Variants in KCNQ3 observed in about 807,000 individuals in gnomAD.
KCNQ3 encodes potassium voltage-gated channel subfamily Q member 3.
KCNQ3 carries 30 observed loss-of-function variants against 92.5 expected under a neutral mutation model. The ratio of observed to expected loss-of-function variants is 0.32; its 90% confidence interval spans 0.24 to 0.44. KCNQ3 has a LOEUF of 0.44. KCNQ3 is among the 20% of genes least tolerant of loss of function. The pLI, the probability that KCNQ3 is intolerant of heterozygous loss-of-function variation, is 1.00. For missense variants in KCNQ3, 913 were observed against 1,140.3 expected (o/e 0.80, Z 2.87); for synonymous variants, 450 against 468.8 (o/e 0.96, Z 0.52).
intron 9 of KCNQ3, among the ~76,000 whole-genome samples, chr8:132,155,712 A>T (rs1563776804): frequency 6.6e-6 from 1 of 152,194 alleles, no homozygotes; most frequent in Admixed American, 6.5e-5. Flanking sequence ...GGAAACTTAT[A>T]GCACAAAGGA....
intron 1 of KCNQ3, chr8:132,447,128 T>A: frequency 2.3e-6 from 3 of 1,324,346 alleles, no homozygotes; most frequent in Non-Finnish European, 3.1e-6. Context: ...TCTTTCCCTC[T>A]CCCCCTGGGA....
chr8:132,189,366 G>T (rs1827087237), intron 1 of KCNQ3, among the ~76,000 whole-genome samples: 1 of 152,178 alleles, frequency 6.6e-6, no homozygotes, highest in Non-Finnish European at 1.5e-5. Context: ...TCTTGTAATT[G>T]TTTGCGCACA....
intron 1 of KCNQ3, among the ~76,000 whole-genome samples, chr8:132,222,457 T>A (rs1814269534): frequency 6.6e-6 from 1 of 152,204 alleles, no homozygotes; most frequent in South Asian, 2.1e-4. Context: ...TGGCATATAA[T>A]TCCTTGCTAA....
chr8:132,249,313 C>T lies in KCNQ3; in HGVS notation c.387-63132G>A, dbSNP rs1357365967. 2.0e-5 allele frequency among the ~76,000 whole-genome samples: 3 copies of T among 152,264 alleles called. No individual in the cohort carries two copies. The East Asian group carries it at 5.8e-4, about 29-fold the overall frequency. On this transcript the variant is annotated intron_variant, in intron 1 of 14. Coordinates refer to ENST00000388996, the MANE Select transcript of KCNQ3 (RefSeq NM_004519.4). The stretch of plus-strand genomic sequence containing the variant: ...TCCATTTTACAGAGAGCTGATTGGT[C>T]TGTTTTACAGAGAGCTGATTGGTTC...
At chr8:132,425,959 G>A (rs1455533512) in intron 1 of KCNQ3, among the ~76,000 whole-genome samples, 2 of 152,212 alleles carry the variant, frequency 1.3e-5, no homozygotes, top group Non-Finnish European at 2.9e-5. Flanking sequence ...AGTACAAAGG[G>A]AAATTTTGAA....
In KCNQ3 at chr8:132,128,507, A is replaced by ATATGTGTGTG. The variant is rs886062685; in HGVS notation, c.*754_*755insCACACACATA. On this transcript the variant is annotated 3_prime_UTR_variant, in exon 15 of 15. Transcript: ENST00000388996. Reference sequence around the variant, plus strand: ...ATTGGAAACTATTTTAACTTTGTGTATGTGTGTGTGTGTGTGTGTGTGTGT... The same window carrying ATATGTGTGTG: ...ATTGGAAACTATTTTAACTTTGTGTATATGTGTGTGTGTGTGTGTGTGTGTGTGTGTGTGT... The ATATGTGTGTG allele has an allele frequency of 3.4e-5, 5 of 145,188 alleles. No individual in the cohort carries two copies. The highest frequency in any genetic ancestry group is 6.0e-5 in the Non-Finnish European group (4 of 66,338). 9.0% of individuals were successfully genotyped at this position (145,188 alleles called of 1,614,324 possible). A position where few individuals can be genotyped will look rare whatever the true frequency, so the allele number is the denominator to read the frequency against.
chr8:132,207,040 T>C (rs1280811743), intron 1 of KCNQ3, among the ~76,000 whole-genome samples: 2 of 152,244 alleles, frequency 1.3e-5, no homozygotes, highest in African/African-American at 4.8e-5. Flanking sequence ...CTCTAAAATA[T>C]GTATAGCCAT....
intron 1 of KCNQ3, among the ~76,000 whole-genome samples, chr8:132,412,346 G>T (rs550852903): frequency 6.6e-6 from 1 of 151,620 alleles, no homozygotes; most frequent in African/African-American, 2.4e-5. Context: ...TCCCCTTCTG[G>T]GTGATTCTGA....
chr8:132,449,587 G>A (rs1052241923), intron 1 of KCNQ3, among the ~76,000 whole-genome samples: 1 of 152,088 alleles, frequency 6.6e-6, no homozygotes, highest in African/African-American at 2.4e-5. Context: ...TATTCCCTCT[G>A]GAGCCCTCAG....
intron 1 of KCNQ3, among the ~76,000 whole-genome samples, chr8:132,336,387 A>G (rs1280273555): frequency 6.6e-6 from 1 of 152,168 alleles, no homozygotes; most frequent in Non-Finnish European, 1.5e-5. Context: ...CACAAGGCCC[A>G]CTGTAGTGAC....
intron 1 of KCNQ3, among the ~76,000 whole-genome samples, chr8:132,444,301 T>A (rs1821617312): frequency 6.6e-6 from 1 of 152,236 alleles, no homozygotes; most frequent in East Asian, 1.9e-4. Context: ...ACCAACTGGT[T>A]CCTGGCATTA....
intron 1 of KCNQ3, among the ~76,000 whole-genome samples, chr8:132,402,202 C>T (rs1205663963): frequency 6.6e-6 from 1 of 152,172 alleles, no homozygotes; most frequent in Non-Finnish European, 1.5e-5. Flanking sequence ...CCATCTTGCT[C>T]TTATTTCTAT....
intron 9 of KCNQ3, among the ~76,000 whole-genome samples, chr8:132,152,670 G>A (rs1470073711): frequency 2.6e-5 from 4 of 152,176 alleles, no homozygotes; most frequent in Admixed American, 1.3e-4. Context: ...CACAGTCCCT[G>A]TACAGGGTTC....
rs577543960 is a variant in KCNQ3, at chr8:132,141,236, A to C, written c.1358T>G (p.Ile453Arg). Residue 453 changes from isoleucine (I) to arginine (R), a missense_variant, in exon 10 of 15, where the codon ATA (isoleucine) becomes AGA (arginine). By Grantham distance (97) the Ile-to-Arg change is moderately conservative (BLOSUM62 -3). Transcript: ENST00000388996. The stretch of plus-strand genomic sequence containing the variant: ...TGGTTCTTTAGAAGGACTTTCTTCT[A>C]TGGCATCTACATTCAGAGGGGTAAA... ...KLFTPLNVDA[I>R]EESPSKEPKP... 1.2e-6 allele frequency: 2 copies of C among 1,614,072 alleles called. No individual in the cohort carries two copies. The highest frequency in any genetic ancestry group is 4.5e-5 in the East Asian group (2 of 44,886).
At chr8:132,441,145 AC>A (rs1821525223) in intron 1 of KCNQ3, among the ~76,000 whole-genome samples, 1 of 152,100 alleles carries the variant, frequency 6.6e-6, no homozygotes, top group Non-Finnish European at 1.5e-5. Flanking sequence ...ACTCTTTCCC[AC>A]CCCCAACACT....
chr8:132,202,194 C>T (rs1189825403), intron 1 of KCNQ3, among the ~76,000 whole-genome samples: 2 of 151,970 alleles, frequency 1.3e-5, no homozygotes, highest in African/African-American at 4.8e-5. Flanking sequence ...CTGGAAGCCT[C>T]TCTGGAAAAG....
At chr8:132,371,698 C>T (rs898619960) in intron 1 of KCNQ3, among the ~76,000 whole-genome samples, 5 of 152,222 alleles carry the variant, frequency 3.3e-5, no homozygotes, top group African/African-American at 1.2e-4. Flanking sequence ...CAAAAACCAA[C>T]ACCACTCTCC....
At chr8:132,192,959 C>T (rs1827203451) in intron 1 of KCNQ3, among the ~76,000 whole-genome samples, 1 of 152,114 alleles carries the variant, frequency 6.6e-6, no homozygotes, top group South Asian at 2.1e-4. Flanking sequence ...TCTCTATAGT[C>T]TTGACTGTTT....
chr8:132,310,934 G>C (rs562622146), intron 1 of KCNQ3, among the ~76,000 whole-genome samples: 1 of 151,346 alleles, frequency 6.6e-6, no homozygotes, highest in Non-Finnish European at 1.5e-5. Context: ...GTCACCTTAC[G>C]ACTTTTTTTT....
Sources: allele counts gnomAD v4.1 joint callset (sites outside exome capture counted in the v4.1 genomes callset), GRCh38; gene constraint gnomAD v4.1.1; transcripts MANE v1.5; gene names NCBI Gene and HGNC (gene_info 2026-07-23, HGNC 2026-07-21).